The following EVC variants were observed in gnomAD, a reference collection of about 807,000 sequenced individuals.
The protein encoded by EVC is EvC ciliary complex subunit 1, also known as evC complex member EVC.
Under a neutral mutation model 118.9 loss-of-function variants are expected in EVC, and 116 were observed. The observed-to-expected ratio is 0.98, with a 90% CI of 0.84 to 1.14. The LOEUF is 1.14. EVC is among the 50% of genes most tolerant of loss of function. The pLI is 0.00. For missense variants in EVC, 1,401 were observed against 1,246.4 expected (o/e 1.12, Z -1.87); for synonymous variants, 619 against 534.7 (o/e 1.16, Z -2.18).
At chr4:5,770,290 C>G (rs1052738728) in intron 11 of EVC, among the ~76,000 whole-genome samples, 1 of 152,148 alleles carries the variant, frequency 6.6e-6, no homozygotes, top group Non-Finnish European at 1.5e-5. Context: ...AGAGGTCAAG[C>G]TGAGACCACA....
rs1378439750 is a variant in EVC at position 5,810,367 on chromosome 4, G to A, written c.2811G>A (p.Lys937=). ...LEKPLRTKRK[K]PLPQERGDLG... is the part of the protein sequence containing the mutation. ...AGCCCCTAAGGACTAAAAGGAAGAA[G>A]CCCCTGCCCCAGGAAAGAGGGGACC... The change falls in exon 20 of 21, where the codon AAG becomes AAA. Residue 937 remains lysine, a synonymous_variant. Transcript: ENST00000264956. 6.2e-7 allele frequency: 1 copy of A among 1,613,858 alleles called. No homozygotes were observed. Among genetic ancestry groups the A allele is most frequent in the Admixed American group, 1.7e-5 (1 of 59,966 alleles).
At position 5,802,108 on chromosome 4, in the gene EVC, C is replaced by G. The variant is rs374386522; in HGVS notation, c.2449+14C>G. On this transcript the variant is annotated intron_variant, in intron 16 of 20. Transcript: ENST00000264956. ...AGACCCTGCAGGGTACGGGACCCCC[C>G]CTCAGGGAAGCCCCAGAAGAGACTG... The G allele has an allele frequency of 7.9e-5, 127 of 1,614,126 alleles. No homozygotes were observed. The East Asian group carries it at 1.4e-3, about 18-fold the overall frequency.
At position 5,731,597 on chromosome 4, in the gene EVC, G is replaced by C; in HGVS notation, c.557G>C (p.Arg186Thr). 1 of 1,614,176 alleles carries C rather than the reference G, an allele frequency of 6.2e-7. No individual in the cohort carries two copies. Among genetic ancestry groups the C allele is most frequent in the South Asian group, 1.1e-5 (1 of 91,078 alleles). Residue 186 changes from arginine to threonine, a missense_variant, in exon 4 of 21, where the codon AGG becomes ACG. Transcript: ENST00000264956. The surrounding 1 kb of genome is among the most constrained non-coding windows in gnomAD (Gnocchi z 5.6). ...GTCCACTCGGCCACCAGCGATGACA[G>C]GTTTCTCAGCCGCACCTTCCTCCGG... ...SSVHSATSDD[R>T]FLSRTFLRVN... is the part of the protein sequence containing the mutation.
Position 5,756,114 on chromosome 4 carries a change from A to T in EVC, c.1465-150A>T. Reference sequence around the variant, plus strand: ...GCATCAGCTGTGAAAGCCATGTGACAGCCCCATGCCTCAGTTTCCTTGTGT... The same window carrying T: ...GCATCAGCTGTGAAAGCCATGTGACTGCCCCATGCCTCAGTTTCCTTGTGT... On this transcript the variant is annotated intron_variant, in intron 10 of 20. Coordinates refer to ENST00000264956, the MANE Select transcript of EVC (RefSeq NM_153717.3). The surrounding 1 kb of genome is among the most constrained non-coding windows in gnomAD (Gnocchi z 4.2). 1.5e-6 allele frequency: 1 copy of T among 672,612 alleles called. No homozygotes were observed. The highest frequency in any genetic ancestry group is 2.6e-6 in the Non-Finnish European group (1 of 378,196). The allele number at this position is 672,612 out of a possible 1,614,324, so 41.7% of individuals were successfully genotyped here. A position where few individuals can be genotyped will look rare whatever the true frequency, so the allele number is the denominator to read the frequency against.
rs937501918 is a variant in EVC at position 5,737,066 on chromosome 4, G to C, written c.702+3631G>C. 1.3e-4 allele frequency among the ~76,000 whole-genome samples: 20 copies of C among 152,230 alleles called. No homozygotes were observed. The highest frequency in any genetic ancestry group is 1.3e-3 in the Admixed American group (20 of 15,284). On this transcript the variant is annotated intron_variant, in intron 5 of 20. Transcript: ENST00000264956. The surrounding 1 kb of genome is among the most constrained non-coding windows in gnomAD (Gnocchi z 5.0). ...GAAGGAAATTAAAAGTGCTACGCCA[G>C]TGAACACACGAATGATCAGAAAGCA...
chr4:5,721,863 T>A (rs888194364), intron 2 of EVC, among the ~76,000 whole-genome samples: 5 of 152,108 alleles, frequency 3.3e-5, no homozygotes, highest in African/African-American at 1.2e-4. Context: ...CAAGACTCTG[T>A]CTCAAAATAA....
chr4:5,785,256 G>A (rs114827189), intron 12 of EVC, among the ~76,000 whole-genome samples: 3 of 152,180 alleles, frequency 2.0e-5, no homozygotes, highest in Admixed American at 6.5e-5. Context: ...CGTGAGCCTG[G>A]TGGGCTCCAG....
intron 5 of EVC, among the ~76,000 whole-genome samples, chr4:5,736,312 C>T (rs980106276): frequency 6.6e-6 from 1 of 152,084 alleles, no homozygotes; most frequent in Admixed American, 6.6e-5. Context: ...CATGCACACA[C>T]ATAAATGTGC....
downstream of EVC, among the ~76,000 whole-genome samples, chr4:5,817,044 G>A (rs1015302510): frequency 9.2e-5 from 14 of 152,240 alleles, no homozygotes; most frequent in Admixed American, 6.5e-5. Context: ...GAATCAGTGA[G>A]GCTGAGGCCC....
chr4:5,723,866 C>T (rs973821926), intron 2 of EVC, among the ~76,000 whole-genome samples: 2 of 152,088 alleles, frequency 1.3e-5, no homozygotes, highest in African/African-American at 2.4e-5. Flanking sequence ...TGAGTTCAGC[C>T]TTTTCCATCT....
At chr4:5,735,676 A>G (rs1727549183) in intron 5 of EVC, among the ~76,000 whole-genome samples, 1 of 152,176 alleles carries the variant, frequency 6.6e-6, no homozygotes, top group Non-Finnish European at 1.5e-5. Flanking sequence ...TGAGGTTCAG[A>G]GAGGTTAAGT....
chr4:5,724,688 GT>G (rs1466907828), intron 2 of EVC, among the ~76,000 whole-genome samples: 1 of 122,916 alleles, frequency 8.1e-6, no homozygotes, highest in African/African-American at 3.3e-5. Flanking sequence ...TACGTTGGTG[GT>G]TTTCCCTGTT....
At chr4:5,745,726 C>T (rs532174972) in intron 7 of EVC, among the ~76,000 whole-genome samples, 1 of 152,164 alleles carries the variant, frequency 6.6e-6, no homozygotes, top group African/African-American at 2.4e-5. Context: ...TCTGAAACAT[C>T]GTTTTTCTTT....
chr4:5,721,324 C>T (rs1724923279), intron 2 of EVC, among the ~76,000 whole-genome samples: 1 of 151,962 alleles, frequency 6.6e-6, no homozygotes, highest in Non-Finnish European at 1.5e-5. Context: ...GTTATTTGGC[C>T]ATAAAATAAA....
At chr4:5,741,571 A>G in intron 5 of EVC, 145 bp from the exon 6 acceptor site, 1 of 581,496 alleles carries the variant, frequency 1.7e-6, no homozygotes, top group Non-Finnish European at 3.1e-6. Context: ...CCTTCAGCAA[A>G]AAATATACGT....
At chr4:5,712,301 G>A (rs952555424) in intron 1 of EVC, among the ~76,000 whole-genome samples, 11 of 152,208 alleles carry the variant, frequency 7.2e-5, no homozygotes, top group Admixed American at 5.9e-4. Flanking sequence ...TGAGGAAACT[G>A]AGGCACAGAG....
chr4:5,756,483 C>G lies in EVC; in HGVS notation c.1563+121C>G. On this transcript the variant is annotated intron_variant, in intron 11 of 20. Transcript: ENST00000264956. This position sits in a 1 kb window ranked among gnomAD's most constrained non-coding sequence, Gnocchi z 4.2. ...CAGGTCCAACCCCGCACTCATTGGC[C>G]GGTGATCCACGCAGGCTGTGTCCCC... 1.3e-6 allele frequency: 1 copy of G among 781,768 alleles called. No homozygotes were observed. Among genetic ancestry groups the G allele is most frequent in the South Asian group, 1.5e-5 (1 of 67,966 alleles). The allele number at this position is 781,768 out of a possible 1,614,324, so 48.4% of individuals were successfully genotyped here.
At chr4:5,714,161 A>G in intron 1 of EVC, among the ~76,000 whole-genome samples, 1 of 152,162 alleles carries the variant, frequency 6.6e-6, no homozygotes, top group East Asian at 1.9e-4. Flanking sequence ...CTTCTTAACT[A>G]GGGAAGCCTT....
At chr4:5,781,634 C>T (rs550100258) in intron 11 of EVC, among the ~76,000 whole-genome samples, 4 of 152,102 alleles carry the variant, frequency 2.6e-5, no homozygotes, top group South Asian at 2.1e-4. Flanking sequence ...CTCAGGAGTT[C>T]GAGAGCAGCT....
Sources: gnomAD v4.1 joint callset for allele counts (sites outside exome capture counted in the v4.1 genomes callset) on GRCh38, gnomAD v4.1.1 for gene constraint, Gnocchi (gnomAD v3.1) non-coding constraint, MANE v1.5 for transcripts, NCBI Gene and HGNC (gene_info 2026-07-23, HGNC 2026-07-21) for gene names.